SLC24A2: variants seen among roughly 807,000 people sequenced by gnomAD.
SLC24A2 encodes the protein solute carrier family 24 member 2.
In SLC24A2, 36 loss-of-function variants were observed where a neutral mutation model predicts 62.0. That is an observed-to-expected ratio of 0.58 (90% CI 0.44 to 0.77). SLC24A2 has a LOEUF of 0.77. Ranked by LOEUF, SLC24A2 falls within the 30% of genes least tolerant of loss-of-function variation. The probability of loss-of-function intolerance (pLI) is 0.00; values close to 1 mark genes in which losing one functional copy is unlikely to be tolerated. For missense variants in SLC24A2, 846 were observed against 817.9 expected (o/e 1.03, Z -0.42); for synonymous variants, 358 against 294.0 (o/e 1.22, Z -2.23).
At chr9:20,305,207 A>G in the SLC24A2 span, among the ~76,000 whole-genome samples, 3 of 150,982 alleles carry the variant, frequency 2.0e-5, no homozygotes, top group East Asian at 5.9e-4. Flanking sequence ...TCGCAGGTTC[A>G]AGTGATTCTC....
At chr9:20,038,159 T>C in the SLC24A2 span, among the ~76,000 whole-genome samples, 1 of 152,186 alleles carries the variant, frequency 6.6e-6, no homozygotes, top group African/African-American at 2.4e-5. Context: ...ATTAGAGGCA[T>C]TGACTCCAGA....
intron 2 of SLC24A2, among the ~76,000 whole-genome samples, chr9:19,708,706 G>T (rs984636747): frequency 1.2e-4 from 19 of 152,104 alleles, no homozygotes; most frequent in South Asian, 2.1e-4. Flanking sequence ...TAGCCATATG[G>T]AGAAAGCTGA....
At chr9:20,234,711 C>T in the SLC24A2 span, among the ~76,000 whole-genome samples, 1 of 152,192 alleles carries the variant, frequency 6.6e-6, no homozygotes. Flanking sequence ...TCATCTGAGC[C>T]TTCTTCTCTC....
At chr9:19,950,748 A>C in the SLC24A2 span, among the ~76,000 whole-genome samples, 1 of 152,348 alleles carries the variant, frequency 6.6e-6, no homozygotes, top group East Asian at 1.9e-4. Flanking sequence ...GGGAGTATCC[A>C]TCAAGTTTAG....
At chr9:19,761,527 A>C (rs1822329154) in intron 2 of SLC24A2, among the ~76,000 whole-genome samples, 1 of 151,698 alleles carries the variant, frequency 6.6e-6, no homozygotes, top group South Asian at 2.1e-4. Flanking sequence ...ACATGTGCAC[A>C]ACGTGCAGGT....
chr9:20,082,085 T>A, the SLC24A2 span, among the ~76,000 whole-genome samples: 1 of 152,196 alleles, frequency 6.6e-6, no homozygotes, highest in African/African-American at 2.4e-5. Flanking sequence ...ATCAATCTTA[T>A]GCCAAATAAA....
the SLC24A2 span, among the ~76,000 whole-genome samples, chr9:20,095,442 C>G: frequency 6.6e-6 from 1 of 152,108 alleles, no homozygotes; most frequent in South Asian, 2.1e-4. Flanking sequence ...CTGAGTAAAC[C>G]AGATTGCCTT....
At chr9:19,868,365 G>A in the SLC24A2 span, among the ~76,000 whole-genome samples, 2 of 152,044 alleles carry the variant, frequency 1.3e-5, no homozygotes, top group Non-Finnish European at 2.9e-5. Context: ...ATTTGTAAAT[G>A]TATTGAGATT....
chr9:19,764,655 T>C (rs1223342837), intron 2 of SLC24A2, among the ~76,000 whole-genome samples: 1 of 152,262 alleles, frequency 6.6e-6, no homozygotes, highest in Non-Finnish European at 1.5e-5. Context: ...GATTGCACTG[T>C]AGTCAGAGAG....
intron 2 of SLC24A2, among the ~76,000 whole-genome samples, chr9:19,766,992 CAGAGAGGAGTAATAT>C (rs2118876944): frequency 6.6e-6 from 1 of 152,256 alleles, no homozygotes; most frequent in Non-Finnish European, 1.5e-5. Context: ...ATGCCCTGCC[CAGAGAGGAGTAATAT>C]AGAGAGGCAG....
At chr9:19,788,395 C>T in intron 1 of SLC24A2, 1 of 588,274 alleles carries the variant, frequency 1.7e-6, no homozygotes, top group Non-Finnish European at 2.1e-6. Flanking sequence ...CCCCTGAAAA[C>T]CCACCGCTCG....
the SLC24A2 span, among the ~76,000 whole-genome samples, chr9:20,194,951 G>A: frequency 6.6e-5 from 10 of 151,926 alleles, no homozygotes; most frequent in East Asian, 3.9e-4. Flanking sequence ...AACTACATTC[G>A]TGTTTTTCTT....
rs1367581130 is a variant in SLC24A2, at chr9:19,511,573, T to C, written c.*4580A>G. On this transcript the variant is annotated 3_prime_UTR_variant, in exon 11 of 11. Coordinates refer to ENST00000341998, the MANE Select transcript of SLC24A2 (RefSeq NM_020344.4). ...ATTTTTTCTCCTACCCCTCTCTTAA[T>C]GACAAGGCCTTACCTAATAATTGAA... 6.6e-6 allele frequency: 1 copy of C among 152,190 alleles called. No homozygotes were observed. The highest frequency in any genetic ancestry group is 6.5e-5 in the Admixed American group (1 of 15,280). 9.4% of individuals were successfully genotyped at this position (152,190 alleles called of 1,614,324 possible).
chr9:20,193,999 G>T, the SLC24A2 span, among the ~76,000 whole-genome samples: 1 of 152,054 alleles, frequency 6.6e-6, no homozygotes, highest in African/African-American at 2.4e-5. Context: ...CAATGGAATA[G>T]GACAGAGTGT....
intron 2 of SLC24A2, among the ~76,000 whole-genome samples, chr9:19,633,878 C>T (rs974915531): frequency 1.4e-4 from 21 of 152,118 alleles, no homozygotes; most frequent in African/African-American, 4.8e-4. Flanking sequence ...ATATTTTCCC[C>T]CTGTCTTTAA....
At chr9:20,254,285 C>T in the SLC24A2 span, among the ~76,000 whole-genome samples, 1 of 152,148 alleles carries the variant, frequency 6.6e-6, no homozygotes, top group Non-Finnish European at 1.5e-5. Context: ...GAGGGTGAGA[C>T]TCCACTTGTT....
At chr9:19,851,001 ACACATACATATATATATATATACATATT>A in the SLC24A2 span, among the ~76,000 whole-genome samples, 1 of 37,910 alleles carries the variant, frequency 2.6e-5, no homozygotes, top group African/African-American at 9.0e-5. Context: ...ATATATATAT[ACACATACATATATATATATATACATATT>A]TTTTTTTTTT....
At chr9:19,594,655 T>G (rs143850366) in intron 5 of SLC24A2, among the ~76,000 whole-genome samples, 30 of 152,346 alleles carry the variant, frequency 2.0e-4, no homozygotes, top group African/African-American at 6.5e-4. Context: ...ATTGTGCAAA[T>G]GCTTAACTGG....
At chr9:19,894,978 G>T in the SLC24A2 span, among the ~76,000 whole-genome samples, 130 of 152,260 alleles carry the variant, frequency 8.5e-4, no homozygotes, top group African/African-American at 2.9e-3. Flanking sequence ...CAACCTAAAT[G>T]AAATTGTATA....
Sources: allele counts gnomAD v4.1 joint callset (sites outside exome capture counted in the v4.1 genomes callset), GRCh38; gene constraint gnomAD v4.1.1; transcripts MANE v1.5; gene names NCBI Gene and HGNC (gene_info 2026-07-23, HGNC 2026-07-21).